AHR: variants seen among roughly 807,000 people sequenced by gnomAD.
The protein encoded by AHR is aryl hydrocarbon receptor, also known as AH-receptor.
In AHR, 40 loss-of-function variants were observed where a neutral mutation model predicts 86.8. The observed-to-expected ratio is 0.46, with a 90% CI of 0.36 to 0.60. AHR has a LOEUF of 0.60. Among genes scored for constraint, AHR ranks in the 20% least tolerant of loss-of-function variants. AHR has a pLI of 0.00. For synonymous variants in AHR, 398 were observed against 354.9 expected (o/e 1.12, Z -1.37); for missense variants, 1,001 against 1,011.6 (o/e 0.99, Z 0.14).
At chr7:17,334,452 T>C (rs1782333856) in intron 7 of AHR, among the ~76,000 whole-genome samples, 1 of 151,998 alleles carries the variant, frequency 6.6e-6, no homozygotes, top group South Asian at 2.1e-4. Context: ...TTTCAGAAAA[T>C]TGTGAGCAGG....
At chr7:17,304,100 A>G (rs1176434882) in intron 1 of AHR, among the ~76,000 whole-genome samples, 1 of 152,030 alleles carries the variant, frequency 6.6e-6, no homozygotes, top group African/African-American at 2.4e-5. Flanking sequence ...ACTTCTTTCT[A>G]TTGAAATATT....
At chr7:17,308,744 T>A (rs1226428965) in intron 1 of AHR, among the ~76,000 whole-genome samples, 1 of 152,044 alleles carries the variant, frequency 6.6e-6, no homozygotes, top group African/African-American at 2.4e-5. Flanking sequence ...ATTTTACCGA[T>A]GTATTACCTT....
intron 2 of AHR, among the ~76,000 whole-genome samples, chr7:17,314,447 ATCTT>A (rs1490494641): frequency 6.6e-6 from 1 of 152,080 alleles, no homozygotes; most frequent in Non-Finnish European, 1.5e-5. Flanking sequence ...TTTATCATGG[ATCTT>A]TCTTGACTTT....
At chr7:17,299,451 G>A in intron 1 of AHR, 122 bp downstream of exon 1, 3 of 1,137,870 alleles carry the variant, frequency 2.6e-6, no homozygotes, top group Non-Finnish European at 3.7e-6. Context: ...TCCCGGCACT[G>A]CCCGTGGAAT....
intron 1 of AHR, among the ~76,000 whole-genome samples, chr7:17,307,328 G>T (rs79262512): frequency 6.6e-6 from 1 of 152,046 alleles, no homozygotes; most frequent in African/African-American, 2.4e-5. Context: ...GAAGTTGTTT[G>T]TATGGAATAT....
chr7:17,301,219 G>A (rs990733701), intron 1 of AHR, among the ~76,000 whole-genome samples: 20 of 152,076 alleles, frequency 1.3e-4, no homozygotes, highest in Admixed American at 3.3e-4. Context: ...TGTAAGAATA[G>A]GCTAGTGCTG....
intron 9 of AHR, among the ~76,000 whole-genome samples, chr7:17,338,514 C>T (rs1229757971): frequency 6.6e-6 from 1 of 152,012 alleles, no homozygotes; most frequent in Non-Finnish European, 1.5e-5. Context: ...TGCCACCATG[C>T]CCAGCTAGTT....
intron 5 of AHR, 104 bp downstream of exon 5, chr7:17,330,179 T>C (rs1480339567): frequency 1.8e-6 from 2 of 1,121,268 alleles, no homozygotes; most frequent in East Asian, 2.5e-5. Context: ...GATAGGGAAG[T>C]AGTGGAAAGA....
At chr7:17,316,172 A>G (rs1215842465) in intron 2 of AHR, among the ~76,000 whole-genome samples, 1 of 152,108 alleles carries the variant, frequency 6.6e-6, no homozygotes, top group East Asian at 1.9e-4. Flanking sequence ...CTGAAATGAA[A>G]TGAAAGTGTA....
rs1781927731 is a variant in AHR at position 17,299,248 on chromosome 7, G to A, written c.-17G>A. On this transcript the variant is annotated 5_prime_UTR_variant, in exon 1 of 11. Transcript: ENST00000242057. ...CGCCAGTGCCCGGGGAGTAGCCGCC[G>A]CCGTCGGCTGGGCACCATGAACAGC... 6.2e-7 allele frequency: 1 copy of A among 1,609,242 alleles called. No individual in the cohort carries two copies. Among genetic ancestry groups the A allele is most frequent in the Non-Finnish European group, 8.5e-7 (1 of 1,178,704 alleles).
chr7:17,313,059 A>G (rs1345851873), intron 2 of AHR, among the ~76,000 whole-genome samples: 2 of 152,180 alleles, frequency 1.3e-5, no homozygotes, highest in Non-Finnish European at 2.9e-5. Flanking sequence ...AGTGGTGTAC[A>G]TTCAGCCTAA....
At chr7:17,312,492 TTA>T (rs1268500969) in intron 2 of AHR, among the ~76,000 whole-genome samples, 7 of 152,218 alleles carry the variant, frequency 4.6e-5, no homozygotes, top group Non-Finnish European at 1.0e-4. Context: ...AATGTCTACA[TTA>T]TGTGTGTATG....
intron 7 of AHR, 130 bp from the exon 8 acceptor site, chr7:17,334,757 T>G (rs1456332159): frequency 1.5e-5 from 9 of 610,304 alleles, no homozygotes; most frequent in Non-Finnish European, 2.0e-5. Context: ...CACATCTACT[T>G]ATGTGAAATT....
At chr7:17,316,708 A>C (rs1296251805) in intron 2 of AHR, among the ~76,000 whole-genome samples, 1 of 152,098 alleles carries the variant, frequency 6.6e-6, no homozygotes, top group Non-Finnish European at 1.5e-5. Flanking sequence ...TCTAGCCTGA[A>C]ATTTTCTCAT....
rs552562015 is a variant in AHR at position 17,337,635 on chromosome 7, C to T, written c.1161-1351C>T. 2.0e-4 allele frequency among the ~76,000 whole-genome samples: 30 copies of T among 151,504 alleles called. No homozygotes were observed. In the East Asian group the frequency reaches 2.8e-3, roughly 14 times the overall value. ...GACTACAGGCGCCCGCCACTACGCCCGGCTAATTTTTTTGTATTTTTAGTA... is the reference window on the plus strand; with the variant it reads ...GACTACAGGCGCCCGCCACTACGCCTGGCTAATTTTTTTGTATTTTTAGTA... On this transcript the variant is annotated intron_variant, in intron 9 of 10. Coordinates refer to ENST00000242057, the MANE Select transcript of AHR (RefSeq NM_001621.5).
chr7:17,305,929 A>G (rs1782001095), intron 1 of AHR, among the ~76,000 whole-genome samples: 1 of 152,170 alleles, frequency 6.6e-6, no homozygotes, highest in Non-Finnish European at 1.5e-5. Flanking sequence ...ACCAGCAGTT[A>G]AAGCTTGCAG....
Position 17,334,929 on chromosome 7 carries a change from G to A in AHR, c.951G>A (p.Thr317=), listed in dbSNP as rs201806511. Reference sequence around the variant, plus strand: ...GATATACTGAAGCAGAGCTGTGCACGAGAGGCTCAGGTTATCAGTTTATTC... The same window carrying A: ...GATATACTGAAGCAGAGCTGTGCACAAGAGGCTCAGGTTATCAGTTTATTC... ...VLGYTEAELC[T]RGSGYQFIHA... is the part of the protein sequence containing the mutation. The change falls in exon 8 of 11, where the codon ACG becomes ACA. Residue 317 remains threonine, a synonymous_variant. Transcript: ENST00000242057. 7.7e-5 allele frequency: 125 copies of A among 1,613,214 alleles called. 1 individual carries two copies. The East Asian group carries it at 1.3e-3, about 17-fold the overall frequency.
chr7:17,309,890 T>G (rs1187414888), intron 1 of AHR, 46 bp from the exon 2 acceptor site: 8 of 1,449,658 alleles, frequency 5.5e-6, no homozygotes, highest in African/African-American at 4.3e-5. Context: ...AATTTTTGCT[T>G]TATATTTTTT....
At chr7:17,325,033 G>C (rs1383900434) in intron 3 of AHR, among the ~76,000 whole-genome samples, 1 of 152,040 alleles carries the variant, frequency 6.6e-6, no homozygotes. Flanking sequence ...TAACAGTATT[G>C]CAGTTTCTCT....
Sources: gnomAD v4.1 joint callset for allele counts (sites outside exome capture counted in the v4.1 genomes callset) on GRCh38, gnomAD v4.1.1 for gene constraint, MANE v1.5 for transcripts, NCBI Gene and HGNC (gene_info 2026-07-23, HGNC 2026-07-21) for gene names.